Variants in ACY1 observed in about 807,000 individuals in gnomAD.
The protein encoded by ACY1 is aminoacylase-1.
ACY1 carries 38 observed loss-of-function variants against 53.3 expected under a neutral mutation model. The observed-to-expected ratio is 0.71, with a 90% confidence interval of 0.55 to 0.93. The LOEUF (loss-of-function observed/expected upper bound fraction) is 0.93. Among genes scored for constraint, ACY1 ranks in the 40% least tolerant of loss-of-function variants. The pLI is 0.00. For synonymous variants in ACY1, 177 were observed against 202.1 expected (o/e 0.88, Z 1.05); for missense variants, 484 against 540.9 (o/e 0.89, Z 1.04).
chr3:51,989,072 C>G lies in ACY1; in HGVS notation c.1224C>G (p.Ser408Arg), dbSNP rs1179040028. 6.2e-7 allele frequency: 1 copy of G among 1,613,626 alleles called. No individual in the cohort carries two copies. Among genetic ancestry groups the G allele is most frequent in the South Asian group, 1.1e-5 (1 of 91,088 alleles). The change falls in exon 15 of 15, where the codon AGC becomes AGG. Residue 408 changes from serine (S) to arginine (R), a missense_variant. Transcript: ENST00000636358. ...LASVPALPSDS is the reference protein window; with the variant it reads ...LASVPALPSDR The stretch of plus-strand genomic sequence containing the variant: ...GTGTGCCTGCCCTGCCCAGTGACAG[C>G]TGAGCCCTGGAACTCCTAAACCTTT...
At chr3:51,986,133 A>G (rs957155695) in intron 5 of ACY1, 122 bp from the exon 6 acceptor site, 3 of 1,126,802 alleles carry the variant, frequency 2.7e-6, no homozygotes, top group Middle Eastern at 2.3e-4. Context: ...GACTTTCTGG[A>G]GTCCCTATCA....
intron 12 of ACY1, 27 bp downstream of exon 12, chr3:51,987,651 G>A (rs1701123876): frequency 6.2e-7 from 1 of 1,611,442 alleles, no homozygotes; most frequent in Admixed American, 1.7e-5. Flanking sequence ...TGTGATGGGA[G>A]AGTGTGGGAG....
chr3:51,983,827 A>C (rs1577722386), intron 1 of ACY1, among the ~76,000 whole-genome samples: 1 of 152,016 alleles, frequency 6.6e-6, no homozygotes, highest in African/African-American at 2.4e-5. Context: ...CATTCTGAGC[A>C]CAAACTTCAT....
chr3:51,984,814 C>CAAA (rs34294622), intron 2 of ACY1: 104 of 119,970 alleles, frequency 8.7e-4, no homozygotes, highest in South Asian at 1.5e-3. Flanking sequence ...GACCCTGTCT[C>CAAA]AAAAAAAAAA....
At chr3:51,988,061 T>C (rs921713894) in intron 12 of ACY1, 19 of 313,194 alleles carry the variant, frequency 6.1e-5, no homozygotes, top group Non-Finnish European at 1.1e-4. Flanking sequence ...AGACAGTGTT[T>C]CACCATGTTG....
At chr3:51,985,064 G>A in intron 2 of ACY1, 143 bp from the exon 3 acceptor site, 1 of 843,140 alleles carries the variant, frequency 1.2e-6, no homozygotes, top group South Asian at 1.5e-5. Context: ...CTTGGGGATG[G>A]AAATGCAAGC....
At position 51,985,468 on chromosome 3, in the gene ACY1, G is replaced by A. The variant is rs1297294077; in HGVS notation, c.264+3G>A. ...CGGATGTGGTGCCTGTCTTCAAGGTGTGTAAGGGGCTGGGGAGGTGGGCAG... is the reference window on the plus strand; with the variant it reads ...CGGATGTGGTGCCTGTCTTCAAGGTATGTAAGGGGCTGGGGAGGTGGGCAG... On this transcript the variant is annotated splice_donor_region_variant and intron_variant, in intron 4 of 14. Transcript: ENST00000636358. The A allele has an allele frequency of 6.2e-7, 1 of 1,613,838 alleles. No individual in the cohort carries two copies. Among genetic ancestry groups the A allele is most frequent in the Non-Finnish European group, 8.5e-7 (1 of 1,179,944 alleles).
intron 2 of ACY1, 115 bp downstream of exon 2, chr3:51,984,273 G>A: frequency 1.1e-6 from 1 of 935,578 alleles, no homozygotes; most frequent in Non-Finnish European, 1.7e-6. Context: ...GTCCCAAATG[G>A]CTCCCCAACC....
At chr3:51,986,782 C>A in intron 8 of ACY1, 121 bp downstream of exon 8, 2 of 1,371,224 alleles carry the variant, frequency 1.5e-6, no homozygotes, top group Non-Finnish European at 2.1e-6. Context: ...AACCCAGGGC[C>A]TCTACCTCCC....
chr3:51,987,712 C>A, intron 12 of ACY1, 88 bp downstream of exon 12: 1 of 1,358,312 alleles, frequency 7.4e-7, no homozygotes, highest in Non-Finnish European at 1.0e-6. Context: ...GGTGTGTCTG[C>A]ATATGTCTGG....
chr3:51,988,735 C>T (rs1175459194), intron 13 of ACY1, 31 bp from the exon 14 acceptor site: 6 of 1,613,058 alleles, frequency 3.7e-6, no homozygotes, highest in Non-Finnish European at 5.1e-6. Context: ...CGCTTTCTCC[C>T]TCCCCATTCA....
At chr3:51,986,959 G>T in intron 8 of ACY1, 29 bp from the exon 9 acceptor site, 2 of 1,609,882 alleles carry the variant, frequency 1.2e-6, no homozygotes, top group South Asian at 1.1e-5. Flanking sequence ...TCAGGCTGAA[G>T]ACACTGCCTT....
intron 3 of ACY1, 31 bp downstream of exon 3, chr3:51,985,302 G>A: frequency 1.2e-6 from 2 of 1,613,544 alleles, no homozygotes; most frequent in Non-Finnish European, 1.7e-6. Context: ...GGGGAAGGGA[G>A]GTGGGCCTGG....
At chr3:51,988,503 G>GCCATT (rs1559781967) in intron 12 of ACY1, 21 bp from the exon 13 acceptor site, 1 of 1,611,476 alleles carries the variant, frequency 6.2e-7, no homozygotes, top group South Asian at 1.1e-5. Flanking sequence ...TCCTGATCCT[G>GCCATT]CCATTCTTCC....
At chr3:51,987,985 C>G (rs1309571118) in intron 12 of ACY1, 8 of 312,672 alleles carry the variant, frequency 2.6e-5, no homozygotes, top group Non-Finnish European at 4.9e-5. Context: ...TGTGCCTCAG[C>G]CTCCAGAGTA....
rs751001848 is a variant in ACY1, at chr3:51,984,167, A to G, written c.94+9A>G. ...GCCCAAGCCTGACTATGGTGAGAAG[A>G]CGGTGGTTCCAGAGCCTGTGACGGG... is the stretch of plus-strand genomic sequence containing the variant. On this transcript the variant is annotated intron_variant, in intron 2 of 14. Coordinates refer to ENST00000636358, the MANE Select transcript of ACY1 (RefSeq NM_000666.3). 1 of 1,613,476 alleles carries G rather than the reference A, an allele frequency of 6.2e-7. No homozygotes were observed. Among genetic ancestry groups the G allele is most frequent in the African/African-American group, 1.3e-5 (1 of 74,942 alleles).
chr3:51,983,977 C>G (rs1700971325), intron 1 of ACY1, 70 bp from the exon 2 acceptor site: 1 of 1,164,968 alleles, frequency 8.6e-7, no homozygotes, highest in African/African-American at 1.5e-5. Flanking sequence ...GCCGTGGGGA[C>G]AGGCTGTGTG....
At chr3:51,985,045 A>G in intron 2 of ACY1, 162 bp from the exon 3 acceptor site, 1 of 777,064 alleles carries the variant, frequency 1.3e-6, no homozygotes, top group Non-Finnish European at 2.2e-6. Context: ...AGCCAAAAAT[A>G]TCTTCTTTCT....
intron 13 of ACY1, 53 bp from the exon 14 acceptor site, chr3:51,988,713 C>T (rs975097831): frequency 1.7e-5 from 27 of 1,606,970 alleles, no homozygotes; most frequent in Non-Finnish European, 2.1e-5. Flanking sequence ...TTCCTTTGCC[C>T]CTTCAATTCT....
Sources: allele counts gnomAD v4.1 joint callset (sites outside exome capture counted in the v4.1 genomes callset), GRCh38; gene constraint gnomAD v4.1.1; transcripts MANE v1.5; gene names NCBI Gene and HGNC (gene_info 2026-07-23, HGNC 2026-07-21).